The following CLCA2 variants were observed in gnomAD, a reference collection of about 807,000 sequenced individuals.
CLCA2 encodes the protein calcium-activated chloride channel regulator 2.
A neutral mutation model predicts 82.9 loss-of-function variants in CLCA2; 85 were observed. The observed-to-expected ratio is 1.03, with a 90% CI of 0.86 to 1.23. The LOEUF is 1.23. Among genes scored for constraint, CLCA2 ranks in the 50% most tolerant of loss-of-function variants. CLCA2 has a pLI of 0.00. For missense variants in CLCA2, 1,089 were observed against 1,124.8 expected, an observed-to-expected ratio of 0.97 and a Z score of 0.45; for synonymous variants, 421 against 391.7, an observed-to-expected ratio of 1.07 and a Z score of -0.88.
chr1:86,438,767 C>A, intron 6 of CLCA2, 109 bp from the exon 7 acceptor site: 1 of 874,950 alleles, frequency 1.1e-6, no homozygotes, highest in Non-Finnish European at 1.8e-6. Context: ...AAATTATGAT[C>A]CAACATCTCT....
rs916111067 is a variant in CLCA2 at position 86,447,705 on chromosome 1, T to C, written c.1911T>C (p.Asn637=). The change falls in exon 11 of 14, where the codon AAT becomes AAC. Residue 637 remains asparagine (N), a synonymous_variant. Transcript: ENST00000370565. ...AACAGGGATTTTATCCCATTCTTAATGCCACTGTCACTGCCACAGTTGAGC... is the reference window on the plus strand; with the variant it reads ...AACAGGGATTTTATCCCATTCTTAACGCCACTGTCACTGCCACAGTTGAGC... ...NVKQGFYPIL[N]ATVTATVEPE... 7 of 1,614,022 alleles carry C rather than the reference T, an allele frequency of 4.3e-6. No homozygotes were observed. The Admixed American group carries it at 6.7e-5, about 15-fold the overall frequency.
intron 12 of CLCA2, among the ~76,000 whole-genome samples, chr1:86,451,092 G>T (rs1412139156): frequency 1.3e-5 from 2 of 152,148 alleles, no homozygotes; most frequent in Non-Finnish European, 2.9e-5. Context: ...GAGGCAAAAA[G>T]TTATTAGCAG....
rs561643404 is a variant in CLCA2, at chr1:86,443,275, C to G, written c.1489-512C>G. 5.3e-5 allele frequency among the ~76,000 whole-genome samples: 8 copies of G among 152,284 alleles called. No homozygotes were observed. In the East Asian group the frequency reaches 1.2e-3, roughly 22 times the overall value. Reference sequence around the variant, plus strand: ...AACTCCTGACCTCAGGCAATCCACTCGCCTTGGCCTCCCAAAGTGCTGGGA... The same window carrying G: ...AACTCCTGACCTCAGGCAATCCACTGGCCTTGGCCTCCCAAAGTGCTGGGA... On this transcript the variant is annotated intron_variant, in intron 9 of 13. Coordinates refer to ENST00000370565, the MANE Select transcript of CLCA2 (RefSeq NM_006536.7).
chr1:86,445,995 C>T (rs1662844439), intron 10 of CLCA2, among the ~76,000 whole-genome samples: 2 of 151,910 alleles, frequency 1.3e-5, no homozygotes, highest in South Asian at 4.1e-4. Flanking sequence ...AAACAAAGAT[C>T]ACACACACAT....
chr1:86,428,645 C>T, intron 3 of CLCA2, 77 bp downstream of exon 3: 1 of 1,508,960 alleles, frequency 6.6e-7, no homozygotes, highest in Admixed American at 1.9e-5. Flanking sequence ...GAAAGGGACT[C>T]ACTCACAAAA....
intron 9 of CLCA2, among the ~76,000 whole-genome samples, chr1:86,442,333 T>A (rs1160389348): frequency 6.6e-6 from 1 of 152,228 alleles, no homozygotes; most frequent in Non-Finnish European, 1.5e-5. Context: ...CTTCTGATAA[T>A]GCTCAATCTT....
rs369578214 is a variant in CLCA2 at position 86,427,129 on chromosome 1, A to G, written c.325-1289A>G. 1.7e-4 allele frequency among the ~76,000 whole-genome samples: 26 copies of G among 152,260 alleles called. 1 individual carries two copies. The East Asian group carries it at 2.7e-3, about 16-fold the overall frequency. Reference sequence around the variant, plus strand: ...TAGTTCCTGTCCTTCCAAGTCTACAATGAGATGTAGGTAGGAATCATGGAA... The same window carrying G: ...TAGTTCCTGTCCTTCCAAGTCTACAGTGAGATGTAGGTAGGAATCATGGAA... On this transcript the variant is annotated intron_variant, in intron 2 of 13. Coordinates refer to ENST00000370565, the MANE Select transcript of CLCA2 (RefSeq NM_006536.7).
rs376558690 is a variant in CLCA2 at position 86,450,598 on chromosome 1, A to T, written c.2020A>T (p.Arg674Trp). ...DVIKNDGIYS[R>W]YFFSFAANGR... ...TATAAAAAATGATGGAATTTACTCG[A>T]GGTATTTTTTCTCCTTTGCTGCAAA... Residue 674 changes from arginine (R) to tryptophan (W), a missense_variant, in exon 12 of 14, where the codon AGG (arginine) becomes TGG (tryptophan). Coordinates refer to ENST00000370565, the MANE Select transcript of CLCA2 (RefSeq NM_006536.7). 6.8e-6 allele frequency: 11 copies of T among 1,613,048 alleles called. No homozygotes were observed. The highest frequency in any genetic ancestry group is 9.3e-6 in the Non-Finnish European group (11 of 1,179,462).
In CLCA2 at chr1:86,432,431, G is replaced by A. The variant is rs1662520272; in HGVS notation, c.647G>A (p.Cys216Tyr). The A allele has an allele frequency of 1.2e-6, 2 of 1,613,890 alleles. No homozygotes were observed. Among genetic ancestry groups the A allele is most frequent in the East Asian group, 2.2e-5 (1 of 44,884 alleles). ...CEKGPCPQEN[C>Y]IISKLFKEGC... ...AAAGGTCCTTGCCCCCAAGAAAACT[G>A]TATTATTAGTAAGCTTTTTAAAGAA... is the stretch of plus-strand genomic sequence containing the variant. The change falls in exon 5 of 14, where the codon TGT becomes TAT. Residue 216 changes from cysteine to tyrosine, a missense_variant. By Grantham distance (194) the Cys-to-Tyr change is radical. Coordinates refer to ENST00000370565, the MANE Select transcript of CLCA2 (RefSeq NM_006536.7).
chr1:86,450,030 A>C (rs1034215013), intron 11 of CLCA2, among the ~76,000 whole-genome samples: 5 of 152,170 alleles, frequency 3.3e-5, no homozygotes, highest in Non-Finnish European at 7.3e-5. Context: ...AGTTCCAGAT[A>C]CCCTCTAATG....
chr1:86,429,344 G>A (rs1662448570), intron 3 of CLCA2, among the ~76,000 whole-genome samples: 1 of 152,118 alleles, frequency 6.6e-6, no homozygotes, highest in Admixed American at 6.6e-5. Flanking sequence ...ATACTCCAGA[G>A]ATAAAAAACA....
At chr1:86,440,551 T>C (rs528258836) in intron 8 of CLCA2, among the ~76,000 whole-genome samples, 1 of 152,308 alleles carries the variant, frequency 6.6e-6, no homozygotes, top group South Asian at 2.1e-4. Context: ...TTTATAATTC[T>C]GTGTTAAGCC....
chr1:86,428,718 T>C, intron 3 of CLCA2, 150 bp downstream of exon 3: 1 of 812,396 alleles, frequency 1.2e-6, no homozygotes, highest in Non-Finnish European at 1.9e-6. Flanking sequence ...CATGCAAAGA[T>C]GAGGGGCTAA....
At chr1:86,436,226 A>G (rs1474549533) in intron 6 of CLCA2, among the ~76,000 whole-genome samples, 1 of 152,186 alleles carries the variant, frequency 6.6e-6, no homozygotes, top group East Asian at 1.9e-4. Flanking sequence ...TGCTACTACA[A>G]TTTCATCCCA....
At position 86,438,981 on chromosome 1, in the gene CLCA2, A is replaced by G; in HGVS notation, c.1078A>G (p.Ile360Val). The part of the protein sequence containing the change: ...GIASFDSKGE[I>V]RAQLHQINSN... ...TGCCAGTTTCGACAGCAAAGGAGAG[A>G]TCAGAGCCCAGCTACACCAAATTAA... Residue 360 changes from isoleucine (I) to valine (V), a missense_variant, in exon 7 of 14, where the codon ATC becomes GTC. Ile to Val is a conservative substitution (Grantham distance 29, BLOSUM62 3). Coordinates refer to ENST00000370565, the MANE Select transcript of CLCA2 (RefSeq NM_006536.7). The G allele has an allele frequency of 6.2e-7, 1 of 1,614,136 alleles. No individual in the cohort carries two copies. Among genetic ancestry groups the G allele is most frequent in the East Asian group, 2.2e-5 (1 of 44,880 alleles).
chr1:86,427,147 T>C (rs753852252), intron 2 of CLCA2, among the ~76,000 whole-genome samples: 13 of 152,100 alleles, frequency 8.5e-5, no homozygotes, highest in Non-Finnish European at 1.9e-4. Flanking sequence ...TAGGTAGGAA[T>C]CATGGAAGGG....
chr1:86,446,826 T>C (rs1195628965), intron 10 of CLCA2, among the ~76,000 whole-genome samples: 1 of 152,226 alleles, frequency 6.6e-6, no homozygotes, highest in African/African-American at 2.4e-5. Context: ...ATTGTAATTT[T>C]AGTCTTTTTC....
chr1:86,441,617 T>C, intron 9 of CLCA2, 74 bp downstream of exon 9: 4 of 936,218 alleles, frequency 4.3e-6, no homozygotes, highest in Middle Eastern at 4.3e-4. Context: ...AATCAACGAA[T>C]TGTGCTACCT....
At chr1:86,432,726 C>A (rs1413431) in intron 5 of CLCA2, among the ~76,000 whole-genome samples, 198 bp downstream of exon 5, 42,713 of 152,046 alleles carry the variant, frequency 0.28, 6,563 homozygotes, top group Non-Finnish European at 0.34. Flanking sequence ...AGGAAAGTGA[C>A]TATTTGCTTT....
Sources: gnomAD v4.1 joint callset for allele counts (sites outside exome capture counted in the v4.1 genomes callset) on GRCh38, gnomAD v4.1.1 for gene constraint, MANE v1.5 for transcripts, NCBI Gene and HGNC (gene_info 2026-07-23, HGNC 2026-07-21) for gene names.